Variants in CNTNAP2 observed in about 807,000 individuals in gnomAD.
The protein encoded by CNTNAP2 is contactin associated protein 2, also known as contactin-associated protein-like 2.
In CNTNAP2, 98 loss-of-function variants were observed where a neutral mutation model predicts 155.2. The observed-to-expected ratio is 0.63, with a 90% CI of 0.54 to 0.75. The LOEUF (loss-of-function observed/expected upper bound fraction) is 0.75. CNTNAP2 is among the 30% of genes least tolerant of loss of function. The probability of loss-of-function intolerance (pLI) is 0.00; values close to 1 mark genes in which losing one functional copy is unlikely to be tolerated. For missense variants in CNTNAP2, 1,727 were observed against 1,688.1 expected (o/e 1.02, Z -0.40); for synonymous variants, 651 against 631.2 (o/e 1.03, Z -0.47).
chr7:147,489,001 G>A (rs1043967356), intron 11 of CNTNAP2, among the ~76,000 whole-genome samples: 3 of 152,104 alleles, frequency 2.0e-5, no homozygotes, highest in African/African-American at 4.8e-5. Context: ...CTTTTCCTTT[G>A]AACTTCTATA....
intron 1 of CNTNAP2, among the ~76,000 whole-genome samples, chr7:146,193,032 C>A (rs1029962647): frequency 1.4e-4 from 22 of 152,212 alleles, no homozygotes; most frequent in Non-Finnish European, 2.9e-5. Context: ...AAAATGATCT[C>A]CTTTGACTCC....
At chr7:147,800,940 A>G (rs534997947) in intron 13 of CNTNAP2, among the ~76,000 whole-genome samples, 40 of 152,354 alleles carry the variant, frequency 2.6e-4, no homozygotes, top group Non-Finnish European at 5.3e-4. Context: ...GCTGTACCAG[A>G]TAGCCTAGGT....
intron 23 of CNTNAP2, among the ~76,000 whole-genome samples, chr7:148,414,362 G>A (rs947806047): frequency 3.3e-5 from 5 of 152,122 alleles, no homozygotes; most frequent in East Asian, 1.9e-4. Context: ...TTACAGGCGC[G>A]AGCCACTGCT....
chr7:147,277,522 T>C (rs1219861527), intron 8 of CNTNAP2, among the ~76,000 whole-genome samples: 1 of 152,008 alleles, frequency 6.6e-6, no homozygotes, highest in Non-Finnish European at 1.5e-5. Flanking sequence ...CTCCTGAGTT[T>C]AGCCATTTTT....
At chr7:146,600,989 A>G (rs988509225) in intron 1 of CNTNAP2, among the ~76,000 whole-genome samples, 6 of 152,166 alleles carry the variant, frequency 3.9e-5, no homozygotes, top group Non-Finnish European at 4.4e-5. Flanking sequence ...GTTCATTAAC[A>G]TAATTATACT....
At chr7:148,326,542 C>T (rs537406302) in intron 21 of CNTNAP2, among the ~76,000 whole-genome samples, 6 of 152,172 alleles carry the variant, frequency 3.9e-5, no homozygotes, top group African/African-American at 9.6e-5. Flanking sequence ...GGATTTGAAA[C>T]GGGGAAGCAG....
intron 1 of CNTNAP2, among the ~76,000 whole-genome samples, chr7:146,307,755 G>T (rs1428405797): frequency 6.6e-6 from 1 of 152,118 alleles, no homozygotes; most frequent in African/African-American, 2.4e-5. Context: ...AATAAATGGT[G>T]CTGGGAAAAC....
chr7:147,728,035 A>G (rs57118660), intron 13 of CNTNAP2, among the ~76,000 whole-genome samples: 9,136 of 152,058 alleles, frequency 0.06, 871 homozygotes, highest in African/African-American at 0.2. Context: ...TGTGTAAAGC[A>G]TCAGATTGTT....
Position 147,832,755 on chromosome 7 carries a change from T to C in CNTNAP2, c.2099-70810T>C, listed in dbSNP as rs555622337. Among the ~76,000 whole-genome samples, 9 of 147,208 alleles carry C rather than the reference T, an allele frequency of 6.1e-5. No individual in the cohort carries two copies. In the South Asian group the frequency reaches 1.9e-3, roughly 31 times the overall value. On this transcript the variant is annotated intron_variant, in intron 13 of 23. Transcript: ENST00000361727. ...AAATATTTTATAATTTAATGACATA[T>C]AAACATTTAATTAAATTGTACATTT... is the stretch of plus-strand genomic sequence containing the variant.
In CNTNAP2 at chr7:146,840,965, G is replaced by A. The variant is rs186063158; in HGVS notation, c.402+1061G>A. On this transcript the variant is annotated intron_variant, in intron 3 of 23. Coordinates refer to ENST00000361727, the MANE Select transcript of CNTNAP2 (RefSeq NM_014141.6). ...TTGTGTATTAGGATGTATAAGTTACGGAAAGCAAGTAGTGGGAAAAATGCC... is the reference window on the plus strand; with the variant it reads ...TTGTGTATTAGGATGTATAAGTTACAGAAAGCAAGTAGTGGGAAAAATGCC... Among the ~76,000 whole-genome samples, 723 of 152,256 alleles carry A rather than the reference G, an allele frequency of 4.7e-3. 2 individuals carry two copies. Among genetic ancestry groups the A allele is most frequent in the Non-Finnish European group, 8.5e-3 (575 of 68,020 alleles).
intron 12 of CNTNAP2, among the ~76,000 whole-genome samples, chr7:147,627,148 G>C (rs956375563): frequency 6.6e-6 from 1 of 152,114 alleles, no homozygotes; most frequent in Non-Finnish European, 1.5e-5. Flanking sequence ...TCACCCTGTG[G>C]GACAAGAAAA....
chr7:146,721,157 A>G (rs1350968030), intron 1 of CNTNAP2, among the ~76,000 whole-genome samples: 3 of 133,140 alleles, frequency 2.3e-5, no homozygotes, highest in African/African-American at 8.3e-5. Context: ...TATTCTATAT[A>G]TATATTCTCT....
chr7:146,529,538 A>T (rs979783472), intron 1 of CNTNAP2, among the ~76,000 whole-genome samples: 1 of 152,178 alleles, frequency 6.6e-6, no homozygotes, highest in African/African-American at 2.4e-5. Context: ...GGAGAAAGAT[A>T]AGTAAATGTG....
At chr7:146,846,899 A>G (rs1356987090) in intron 3 of CNTNAP2, among the ~76,000 whole-genome samples, 3 of 152,034 alleles carry the variant, frequency 2.0e-5, no homozygotes, top group Non-Finnish European at 2.9e-5. Context: ...ATAAAATAGG[A>G]TATATGTAAT....
chr7:146,254,585 A>C (rs946543935), intron 1 of CNTNAP2, among the ~76,000 whole-genome samples: 20 of 152,246 alleles, frequency 1.3e-4, no homozygotes, highest in African/African-American at 4.8e-4. Context: ...GCAGAGACAG[A>C]TGGTAAAGCC....
intron 3 of CNTNAP2, among the ~76,000 whole-genome samples, chr7:146,896,425 C>A (rs540476884): frequency 6.6e-6 from 1 of 151,944 alleles, no homozygotes; most frequent in Non-Finnish European, 1.5e-5. Context: ...TTTTTCTGTT[C>A]CCCGTAGTAT....
intron 8 of CNTNAP2, among the ~76,000 whole-genome samples, chr7:147,234,625 C>T (rs964360896): frequency 2.0e-5 from 3 of 152,142 alleles, no homozygotes; most frequent in African/African-American, 7.2e-5. Flanking sequence ...AGGCATGAGC[C>T]ACCGCGCCCG....
intron 1 of CNTNAP2, among the ~76,000 whole-genome samples, chr7:146,125,702 G>A (rs1455636695): frequency 2.0e-5 from 3 of 149,994 alleles, no homozygotes; most frequent in Admixed American, 2.0e-4. Context: ...CTACCATTAA[G>A]AACATAAACA....
At chr7:147,689,815 A>G (rs2116990120) in intron 13 of CNTNAP2, among the ~76,000 whole-genome samples, 1 of 151,676 alleles carries the variant, frequency 6.6e-6, no homozygotes, top group South Asian at 2.1e-4. Flanking sequence ...TCACAGAAAG[A>G]ATAAAAAAAA....
Sources: allele counts gnomAD v4.1 joint callset (sites outside exome capture counted in the v4.1 genomes callset), GRCh38; gene constraint gnomAD v4.1.1; transcripts MANE v1.5; gene names NCBI Gene and HGNC (gene_info 2026-07-23, HGNC 2026-07-21).